The following ULK4 variants were observed in gnomAD, a reference collection of about 807,000 sequenced individuals.
ULK4 encodes the protein unc-51 like kinase 4.
A neutral mutation model predicts 160.6 loss-of-function variants in ULK4; 133 were observed. That is an observed-to-expected ratio of 0.83 (90% CI 0.72 to 0.96). The LOEUF is 0.96. Ranked by LOEUF, ULK4 falls within the 40% of genes least tolerant of loss-of-function variation. The probability of loss-of-function intolerance (pLI) is 0.00; values close to 1 mark genes in which losing one functional copy is unlikely to be tolerated. For missense variants in ULK4, 1,580 were observed against 1,499.5 expected, an observed-to-expected ratio of 1.05 and a Z score of -0.89; for synonymous variants, 534 against 539.8, an observed-to-expected ratio of 0.99 and a Z score of 0.15.
At chr3:41,507,178 CAAAAAAAAAAAA>C (rs149739568) in intron 32 of ULK4, among the ~76,000 whole-genome samples, 2 of 82,128 alleles carry the variant, frequency 2.4e-5, no homozygotes, top group African/African-American at 9.2e-5. Flanking sequence ...TAACCAGGAG[CAAAAAAAAAAAA>C]AAAAAAAAAA....
intron 27 of ULK4, among the ~76,000 whole-genome samples, chr3:41,684,287 C>A (rs192694545): frequency 1.3e-5 from 2 of 152,312 alleles, no homozygotes; most frequent in East Asian, 1.9e-4. Flanking sequence ...TCTGTGCACA[C>A]CAGTTGAGTG....
intron 35 of ULK4, among the ~76,000 whole-genome samples, chr3:41,300,404 A>C (rs1176864121): frequency 6.6e-6 from 1 of 152,190 alleles, no homozygotes; most frequent in African/African-American, 2.4e-5. Context: ...AATATGCATA[A>C]GTTTCCGCTA....
chr3:41,481,336 T>C (rs748941131), intron 32 of ULK4, among the ~76,000 whole-genome samples: 1 of 152,124 alleles, frequency 6.6e-6, no homozygotes, highest in Non-Finnish European at 1.5e-5. Flanking sequence ...AGAGAAACAG[T>C]GAAGTTCAGG....
intron 17 of ULK4, among the ~76,000 whole-genome samples, chr3:41,879,735 C>T (rs1697440599): frequency 6.6e-6 from 1 of 152,270 alleles, no homozygotes; most frequent in East Asian, 1.9e-4. Flanking sequence ...ACCTCAGCCT[C>T]CCAAAGTACT....
chr3:41,408,303 C>T (rs1314193817), intron 34 of ULK4, among the ~76,000 whole-genome samples: 1 of 151,312 alleles, frequency 6.6e-6, no homozygotes, highest in Non-Finnish European at 1.5e-5. Flanking sequence ...TGGCGGGCGC[C>T]TGTAGTCCCA....
At position 41,824,330 on chromosome 3, in the gene ULK4, G is replaced by A. The variant is rs528480633; in HGVS notation, c.1765-4824C>T. Among the ~76,000 whole-genome samples the A allele has an allele frequency of 6.6e-5, 10 of 152,124 alleles. No individual in the cohort carries two copies. In the East Asian group the frequency reaches 1.2e-3, roughly 18 times the overall value. On this transcript the variant is annotated intron_variant, in intron 18 of 36. Transcript: ENST00000301831. ...TCGGACAGTGGGTGCAGGACAGTGG[G>A]TGCAGCACACCGAGCATAAGACAAA...
intron 32 of ULK4, among the ~76,000 whole-genome samples, chr3:41,477,932 T>C (rs897971717): frequency 6.6e-6 from 1 of 152,240 alleles, no homozygotes; most frequent in Non-Finnish European, 1.5e-5. Flanking sequence ...TAAGCATGGG[T>C]CTAACATGCT....
At chr3:41,713,004 C>T (rs6792237) in intron 25 of ULK4, among the ~76,000 whole-genome samples, 8,650 of 151,704 alleles carry the variant, frequency 0.057, 769 homozygotes, top group African/African-American at 0.2. Flanking sequence ...CACTATGCTC[C>T]GGACAATTTC....
chr3:41,877,708 G>A (rs1559624189), intron 17 of ULK4, among the ~76,000 whole-genome samples: 1 of 152,098 alleles, frequency 6.6e-6, no homozygotes, highest in South Asian at 2.1e-4. Context: ...GGAGCCAGGC[G>A]TGGTGGCTCA....
chr3:41,640,568 G>A (rs1354454502), intron 30 of ULK4, among the ~76,000 whole-genome samples: 1 of 152,058 alleles, frequency 6.6e-6, no homozygotes, highest in African/African-American at 2.4e-5. Context: ...CCCCTCCTGA[G>A]CTCTGTCAAG....
intron 20 of ULK4, among the ~76,000 whole-genome samples, chr3:41,793,091 T>C (rs1307378071): frequency 6.6e-6 from 1 of 151,870 alleles, no homozygotes; most frequent in Non-Finnish European, 1.5e-5. Flanking sequence ...GAGAATTACT[T>C]GAAACCAGAA....
chr3:41,478,514 A>T lies in ULK4; in HGVS notation c.3227-15261T>A, dbSNP rs76085744. Among the ~76,000 whole-genome samples the T allele has an allele frequency of 3.1e-3, 477 of 152,304 alleles. 4 individuals carry two copies. Among genetic ancestry groups the T allele is most frequent in the Admixed American group, 4.4e-3 (67 of 15,304 alleles). ...AAGATTACTGTGTTGAATTATTCCA[A>T]GCATATAATTTATTCTGGTAGCCTG... On this transcript the variant is annotated intron_variant, in intron 32 of 36. Transcript: ENST00000301831.
chr3:41,741,870 G>C (rs2038250033), intron 22 of ULK4, among the ~76,000 whole-genome samples: 1 of 151,820 alleles, frequency 6.6e-6, no homozygotes, highest in Non-Finnish European at 1.5e-5. Context: ...AGGACCTGAG[G>C]AACAACATAG....
chr3:41,312,349 A>T (rs1369046271), intron 35 of ULK4, among the ~76,000 whole-genome samples: 1 of 152,242 alleles, frequency 6.6e-6, no homozygotes, highest in African/African-American at 2.4e-5. Context: ...AGAATCCATT[A>T]CAGCTAATGT....
chr3:41,358,664 T>C (rs1303730231), intron 35 of ULK4, among the ~76,000 whole-genome samples: 3 of 152,020 alleles, frequency 2.0e-5, no homozygotes, highest in African/African-American at 7.2e-5. Flanking sequence ...GCATCACGAC[T>C]GGAGTGAGCA....
At chr3:41,882,940 C>A (rs1299446577) in intron 17 of ULK4, among the ~76,000 whole-genome samples, 3 of 152,174 alleles carry the variant, frequency 2.0e-5, no homozygotes, top group Non-Finnish European at 4.4e-5. Flanking sequence ...GAGAACCAAG[C>A]TGGGTACCAT....
rs147367456 is a variant in ULK4 at position 41,302,891 on chromosome 3, A to C, written c.3679-53317T>G. ...AGACAAGTTTATTTAAATGTTCAGA[A>C]ATCTAAATGATCTACTCTAATTCAA... On this transcript the variant is annotated intron_variant, in intron 35 of 36. Coordinates refer to ENST00000301831, the MANE Select transcript of ULK4 (RefSeq NM_017886.4). Among the ~76,000 whole-genome samples, 16 of 152,294 alleles carry C rather than the reference A, an allele frequency of 1.1e-4. No homozygotes were observed. The East Asian group carries it at 3.1e-3, about 29-fold the overall frequency.
chr3:41,438,840 AAAAG>A (rs1030511767), intron 34 of ULK4, among the ~76,000 whole-genome samples: 17 of 152,110 alleles, frequency 1.1e-4, no homozygotes, highest in African/African-American at 4.1e-4. Context: ...CAAGAAAAGA[AAAAG>A]AAAAACCTTC....
At chr3:41,721,275 T>G in intron 22 of ULK4, among the ~76,000 whole-genome samples, 1 of 114,432 alleles carries the variant, frequency 8.7e-6, no homozygotes, top group African/African-American at 3.5e-5. Flanking sequence ...TTTTTTTTTT[T>G]TTTTTTTTTG....
Sources: allele counts gnomAD v4.1 joint callset (sites outside exome capture counted in the v4.1 genomes callset), GRCh38; gene constraint gnomAD v4.1.1; transcripts MANE v1.5; gene names NCBI Gene and HGNC (gene_info 2026-07-23, HGNC 2026-07-21).